Variants in CDH12 observed in about 807,000 individuals in gnomAD.
CDH12 encodes the protein cadherin-12.
A neutral mutation model predicts 74.1 loss-of-function variants in CDH12; 41 were observed. The ratio of observed to expected loss-of-function variants is 0.55; its 90% CI spans 0.43 to 0.72. The LOEUF (loss-of-function observed/expected upper bound fraction) is 0.72, where lower values mean the gene tolerates loss of function less well. Ranked by LOEUF, CDH12 falls within the 30% of genes least tolerant of loss-of-function variation. The pLI, the probability that CDH12 is intolerant of heterozygous loss-of-function variation, is 0.00. For missense variants in CDH12, 945 were observed against 977.2 expected, an observed-to-expected ratio of 0.97 and a Z score of 0.44; for synonymous variants, 399 against 355.0, an observed-to-expected ratio of 1.12 and a Z score of -1.39.
At chr5:22,151,734 T>A (rs1391457734) in intron 4 of CDH12, 1 of 152,138 alleles carries the variant, frequency 6.6e-6, no homozygotes, top group Non-Finnish European at 1.5e-5. Flanking sequence ...TTCAGGCTTT[T>A]AAAAAAATAG....
chr5:22,622,289 C>T (rs1580824756), intron 1 of CDH12, among the ~76,000 whole-genome samples: 1 of 151,668 alleles, frequency 6.6e-6, no homozygotes, highest in South Asian at 2.1e-4. Context: ...GAGGAACATC[C>T]CCTACTGAAA....
At chr5:21,805,172 C>T (rs911862099) in intron 9 of CDH12, among the ~76,000 whole-genome samples, 1 of 151,960 alleles carries the variant, frequency 6.6e-6, no homozygotes, top group Non-Finnish European at 1.5e-5. Flanking sequence ...ACGTTTGTAC[C>T]AATCATTCCC....
chr5:22,832,848 G>A (rs1163900404), intron 1 of CDH12, among the ~76,000 whole-genome samples: 3 of 152,024 alleles, frequency 2.0e-5, no homozygotes, highest in Admixed American at 2.0e-4. Flanking sequence ...CACTTCAGAG[G>A]CCCAATAATG....
rs578166174 is a variant in CDH12, at chr5:22,702,904, T to C, written c.-523+150154A>G. Among the ~76,000 whole-genome samples the C allele has an allele frequency of 3.0e-4, 46 of 152,228 alleles. 1 individual carries two copies. The South Asian group carries it at 9.5e-3, about 32-fold the overall frequency. Reference sequence around the variant, plus strand: ...ACCACTTTTTACAATAGTTACATTTTGTTAAGTAAATAAACTAACTTTTCT... The same window carrying C: ...ACCACTTTTTACAATAGTTACATTTCGTTAAGTAAATAAACTAACTTTTCT... On this transcript the variant is annotated intron_variant, in intron 1 of 14. Transcript: ENST00000382254.
chr5:22,644,431 T>C (rs1444776163), intron 1 of CDH12, among the ~76,000 whole-genome samples: 2 of 152,010 alleles, frequency 1.3e-5, no homozygotes, highest in Admixed American at 6.6e-5. Context: ...TAAGCCAAAG[T>C]TTAATCCAGA....
intron 4 of CDH12, among the ~76,000 whole-genome samples, chr5:22,150,860 T>C (rs1486285204): frequency 2.6e-5 from 4 of 152,304 alleles, no homozygotes; most frequent in Admixed American, 2.0e-4. Flanking sequence ...CAGGTCAAGC[T>C]TAAGAGCACA....
At chr5:22,846,727 A>T (rs1211884480) in intron 1 of CDH12, among the ~76,000 whole-genome samples, 1 of 152,198 alleles carries the variant, frequency 6.6e-6, no homozygotes, top group Non-Finnish European at 1.5e-5. Flanking sequence ...GTTTTAAATA[A>T]GCATGACCTT....
rs539952060 is a variant in CDH12 at position 22,361,252 on chromosome 5, G to A, written c.-333+44005C>T. 3.3e-3 allele frequency among the ~76,000 whole-genome samples: 496 copies of A among 152,206 alleles called. 2 individuals are homozygous for A. Among genetic ancestry groups the A allele is most frequent in the Non-Finnish European group, 6.0e-3 (411 of 68,024 alleles). ...CAAAGTCTCAGGATACAAAATCAATGTGCAAAAATCACAAGCATTCTTATA... is the reference window on the plus strand; with the variant it reads ...CAAAGTCTCAGGATACAAAATCAATATGCAAAAATCACAAGCATTCTTATA... On this transcript the variant is annotated intron_variant, in intron 3 of 14. Coordinates refer to ENST00000382254, the MANE Select transcript of CDH12 (RefSeq NM_004061.5).
chr5:22,603,592 G>A (rs1736953279), intron 1 of CDH12, among the ~76,000 whole-genome samples: 1 of 152,136 alleles, frequency 6.6e-6, no homozygotes, highest in Admixed American at 6.5e-5. Context: ...TGAGGTAAAA[G>A]ATAGGCAAGT....
At chr5:22,756,992 A>G (rs1346876687) in intron 1 of CDH12, among the ~76,000 whole-genome samples, 3 of 152,056 alleles carry the variant, frequency 2.0e-5, no homozygotes, top group Admixed American at 6.6e-5. Context: ...TACTTTGTAC[A>G]TTGCATTCCT....
intron 2 of CDH12, among the ~76,000 whole-genome samples, chr5:22,478,478 T>C (rs1033914421): frequency 6.6e-6 from 1 of 150,594 alleles, no homozygotes; most frequent in Admixed American, 6.6e-5. Flanking sequence ...GAAAAGAATG[T>C]AAAGCAATCT....
At chr5:21,753,757 G>C (rs1217615549) in intron 14 of CDH12, among the ~76,000 whole-genome samples, 1 of 152,146 alleles carries the variant, frequency 6.6e-6, no homozygotes, top group Non-Finnish European at 1.5e-5. Context: ...GGACGCTCTG[G>C]AAGTATTTGG....
chr5:22,007,200 T>C (rs1580103274), intron 5 of CDH12, among the ~76,000 whole-genome samples: 1 of 152,284 alleles, frequency 6.6e-6, no homozygotes, highest in African/African-American at 2.4e-5. Flanking sequence ...CCTGGACTTA[T>C]CTTCTCGTGT....
intron 4 of CDH12, among the ~76,000 whole-genome samples, chr5:22,171,440 G>A (rs1291338235): frequency 2.0e-5 from 3 of 151,932 alleles, no homozygotes; most frequent in Admixed American, 6.6e-5. Flanking sequence ...GATAATATGA[G>A]TGTAATACAT....
intron 6 of CDH12, among the ~76,000 whole-genome samples, chr5:21,962,671 C>T (rs2150111209): frequency 6.6e-6 from 1 of 152,166 alleles, no homozygotes; most frequent in African/African-American, 2.4e-5. Context: ...CCTTTGAAAG[C>T]TGTTAAGTGG....
intron 6 of CDH12, among the ~76,000 whole-genome samples, chr5:21,863,153 G>A (rs1751140973): frequency 6.6e-6 from 1 of 152,128 alleles, no homozygotes; most frequent in Non-Finnish European, 1.5e-5. Flanking sequence ...TTTCAAATGT[G>A]CCTTGTAGAT....
chr5:22,159,430 T>C (rs1184289771), intron 4 of CDH12, among the ~76,000 whole-genome samples: 1 of 152,158 alleles, frequency 6.6e-6, no homozygotes, highest in African/African-American at 2.4e-5. Context: ...TTTTGTAGTG[T>C]GGCAGCATGT....
intron 1 of CDH12, among the ~76,000 whole-genome samples, chr5:22,689,620 A>G (rs6896758): frequency 0.12 from 17,917 of 151,830 alleles, 1,386 homozygotes; most frequent in Admixed American, 0.2. Context: ...AAAACAGGAA[A>G]AAAAGGAGAA....
intron 4 of CDH12, among the ~76,000 whole-genome samples, chr5:22,167,191 A>C (rs1309799733): frequency 1.3e-5 from 2 of 152,164 alleles, no homozygotes; most frequent in Non-Finnish European, 2.9e-5. Flanking sequence ...CACATATAAG[A>C]ATGGATGTGG....
Sources: gnomAD v4.1 joint callset for allele counts (sites outside exome capture counted in the v4.1 genomes callset) on GRCh38, gnomAD v4.1.1 for gene constraint, MANE v1.5 for transcripts, NCBI Gene and HGNC (gene_info 2026-07-23, HGNC 2026-07-21) for gene names.